RAPGEF2: variants seen among roughly 807,000 people sequenced by gnomAD.
The protein encoded by RAPGEF2 is Rap guanine nucleotide exchange factor 2, also known as PDZ domain containing guanine nucleotide exchange factor (GEF) 1.
RAPGEF2 carries 54 observed loss-of-function variants against 186.7 expected under a neutral mutation model. That is an observed-to-expected ratio of 0.29 (90% CI 0.23 to 0.36). RAPGEF2 has a LOEUF of 0.36. RAPGEF2 is among the 10% of genes least tolerant of loss of function. RAPGEF2 has a pLI of 1.00. For synonymous variants in RAPGEF2, 712 were observed against 705.9 expected (o/e 1.01, Z -0.14); for missense variants, 1,532 against 2,045.0 (o/e 0.75, Z 4.84).
chr4:159,332,410 T>C (rs1021155844), intron 16 of RAPGEF2, 41 bp from the exon 17 acceptor site: 12 of 1,575,586 alleles, frequency 7.6e-6, no homozygotes, highest in African/African-American at 5.5e-5. Context: ...AGATATCTTA[T>C]AATTGCCATT....
At chr4:159,298,971 T>C (rs999591205) in intron 7 of RAPGEF2, among the ~76,000 whole-genome samples, 4 of 152,294 alleles carry the variant, frequency 2.6e-5, no homozygotes, top group East Asian at 3.9e-4. Flanking sequence ...AATGAAAATA[T>C]AGTATCCTTT....
At chr4:159,115,114 C>A (rs550858281) in intron 1 of RAPGEF2, among the ~76,000 whole-genome samples, 1 of 152,072 alleles carries the variant, frequency 6.6e-6, no homozygotes, top group Non-Finnish European at 1.5e-5. Context: ...CCCAGTCCCA[C>A]GGATTAGCCA....
chr4:159,350,049 C>A, intron 25 of RAPGEF2, 88 bp from the exon 26 acceptor site: 1 of 847,120 alleles, frequency 1.2e-6, no homozygotes, highest in Non-Finnish European at 1.7e-6. Flanking sequence ...GATATTAAAT[C>A]TTAACACAAA....
intron 4 of RAPGEF2, among the ~76,000 whole-genome samples, chr4:159,236,868 A>G (rs1015015812): frequency 4.6e-5 from 7 of 152,220 alleles, no homozygotes; most frequent in Non-Finnish European, 1.0e-4. Flanking sequence ...TAACATGAAG[A>G]TAGATTTATT....
At chr4:159,221,697 A>G (rs1751554148) in intron 4 of RAPGEF2, among the ~76,000 whole-genome samples, 1 of 152,200 alleles carries the variant, frequency 6.6e-6, no homozygotes, top group Non-Finnish European at 1.5e-5. Flanking sequence ...TACATTCTAC[A>G]TTGGCTTAGC....
chr4:159,281,578 G>A (rs1389152456), intron 7 of RAPGEF2, among the ~76,000 whole-genome samples: 1 of 150,954 alleles, frequency 6.6e-6, no homozygotes, highest in Non-Finnish European at 1.5e-5. Context: ...GGCTGAGGCA[G>A]GAGAATCGCT....
In RAPGEF2 at chr4:159,309,276, T is replaced by C. The variant is rs73859124; in HGVS notation, c.675+4803T>C. On this transcript the variant is annotated intron_variant, in intron 8 of 29. Coordinates refer to ENST00000691494, the MANE Select transcript of RAPGEF2 (RefSeq NM_001394067.2). Reference sequence around the variant, plus strand: ...CTGTAAAGGAAGTCCTCCATTTTGATTCCTTTCCTGCCTAATCTTTTTATT... The same window carrying C: ...CTGTAAAGGAAGTCCTCCATTTTGACTCCTTTCCTGCCTAATCTTTTTATT... Among the ~76,000 whole-genome samples, 1,052 of 152,296 alleles carry C rather than the reference T, an allele frequency of 6.9e-3. 12 individuals are homozygous for C. The highest frequency in any genetic ancestry group is 0.024 in the African/African-American group (987 of 41,558).
intron 20 of RAPGEF2, among the ~76,000 whole-genome samples, chr4:159,342,553 A>ATTTTATTTTATATTATTTTATT (rs1554041228): frequency 4.2e-5 from 3 of 71,962 alleles, no homozygotes; most frequent in African/African-American, 1.5e-4. Flanking sequence ...TTTATTTTAT[A>ATTTTATTTTATATTATTTTATT]TTATTTTATT....
intron 20 of RAPGEF2, among the ~76,000 whole-genome samples, chr4:159,342,616 A>ATTTTATCTTATGTTATGTTATGTTATG (rs1554041277): frequency 8.4e-6 from 1 of 118,354 alleles, no homozygotes; most frequent in African/African-American, 3.2e-5. Flanking sequence ...ATTTTATTTT[A>ATTTTATCTTATGTTATGTTATGTTATG]TTACTAGAGG....
chr4:159,255,107 A>G (rs1225527423), intron 7 of RAPGEF2, among the ~76,000 whole-genome samples: 2 of 152,218 alleles, frequency 1.3e-5, no homozygotes, highest in Non-Finnish European at 2.9e-5. Context: ...TTTGTCACCT[A>G]GGAGCAATAG....
At chr4:159,342,430 A>G (rs1229267809) in intron 20 of RAPGEF2, among the ~76,000 whole-genome samples, 1 of 151,806 alleles carries the variant, frequency 6.6e-6, no homozygotes, top group Non-Finnish European at 1.5e-5. Context: ...AAGAAAAAAA[A>G]ATGGCAACAA....
intron 1 of RAPGEF2, among the ~76,000 whole-genome samples, chr4:159,151,957 G>A (rs1168943310): frequency 6.6e-6 from 1 of 152,172 alleles, no homozygotes; most frequent in Non-Finnish European, 1.5e-5. Flanking sequence ...CTGTTGAGGA[G>A]CAAGAATAAG....
chr4:159,295,351 T>C (rs76384591), intron 7 of RAPGEF2, among the ~76,000 whole-genome samples: 1 of 151,952 alleles, frequency 6.6e-6, no homozygotes, highest in African/African-American at 2.4e-5. Flanking sequence ...GAAAATGAAT[T>C]GAAAAGGAAA....
intron 3 of RAPGEF2, among the ~76,000 whole-genome samples, chr4:159,198,582 A>G (rs577527574): frequency 1.3e-5 from 2 of 151,702 alleles, no homozygotes; most frequent in East Asian, 4.0e-4. Context: ...AGTAGCTGGG[A>G]TTACAGGCAT....
intron 1 of RAPGEF2, among the ~76,000 whole-genome samples, chr4:159,116,235 T>C (rs1401607542): frequency 6.6e-6 from 1 of 152,054 alleles, no homozygotes; most frequent in East Asian, 1.9e-4. Context: ...TAAACAAATT[T>C]AGAAGAAAAA....
At chr4:159,205,057 A>G (rs955469080) in intron 3 of RAPGEF2, among the ~76,000 whole-genome samples, 4 of 152,230 alleles carry the variant, frequency 2.6e-5, no homozygotes, top group African/African-American at 7.2e-5. Flanking sequence ...GATTAATACA[A>G]TGTATGTACC....
intron 1 of RAPGEF2, among the ~76,000 whole-genome samples, chr4:159,124,606 C>G (rs1740079315): frequency 6.6e-6 from 1 of 152,108 alleles, no homozygotes; most frequent in South Asian, 2.1e-4. Context: ...GAAGATATAT[C>G]TTTACGCAAA....
intron 4 of RAPGEF2, among the ~76,000 whole-genome samples, chr4:159,232,389 C>G (rs1418851588): frequency 1.3e-5 from 2 of 152,154 alleles, no homozygotes; most frequent in Non-Finnish European, 2.9e-5. Context: ...GATATTTGTA[C>G]TTTTGTGGCT....
chr4:159,330,295 G>A lies in RAPGEF2; in HGVS notation c.1303-39G>A, dbSNP rs370894212. 1,142 of 923,990 alleles carry A rather than the reference G, an allele frequency of 1.2e-3. 1 individual carries two copies. Among genetic ancestry groups the A allele is most frequent in the African/African-American group, 3.1e-3 (179 of 57,262 alleles). The allele number at this position is 923,990 out of a possible 1,614,324, so 57.2% of individuals were successfully genotyped here. On this transcript the variant is annotated intron_variant, in intron 12 of 29. Coordinates refer to ENST00000691494, the MANE Select transcript of RAPGEF2 (RefSeq NM_001394067.2). ...TGTGTGTGTGTGTGTGTGTGTGTGT[G>A]TATATATATGTAGTAATTAAACCTT...
Sources: allele counts gnomAD v4.1 joint callset (sites outside exome capture counted in the v4.1 genomes callset), GRCh38; gene constraint gnomAD v4.1.1; transcripts MANE v1.5; gene names NCBI Gene and HGNC (gene_info 2026-07-23, HGNC 2026-07-21).